TAF3: variants seen among roughly 807,000 people sequenced by gnomAD.
The protein encoded by TAF3 is TATA-box binding protein associated factor 3, also known as transcription initiation factor TFIID subunit 3.
In TAF3, 7 loss-of-function variants were observed where a neutral mutation model predicts 80.6. The observed-to-expected ratio is 0.09, with a 90% CI of 0.05 to 0.16. The LOEUF (loss-of-function observed/expected upper bound fraction) is 0.16, where lower values mean the gene tolerates loss of function less well. TAF3 is among the 10% of genes least tolerant of loss of function. The pLI is 1.00. For synonymous variants in TAF3, 444 were observed against 446.1 expected, an observed-to-expected ratio of 1.00 and a Z score of 0.06; for missense variants, 921 against 1,140.2, an observed-to-expected ratio of 0.81 and a Z score of 2.77.
intron 2 of TAF3, among the ~76,000 whole-genome samples, chr10:7,885,249 GACAC>G (rs71385678): frequency 1.1e-4 from 16 of 148,604 alleles, no homozygotes; most frequent in Non-Finnish European, 1.8e-4. Context: ...TATAAATTTT[GACAC>G]ACACACACAC....
At chr10:7,884,938 A>C (rs1837394929) in intron 2 of TAF3, among the ~76,000 whole-genome samples, 1 of 152,202 alleles carries the variant, frequency 6.6e-6, no homozygotes, top group African/African-American at 2.4e-5. Context: ...ATATACAGAA[A>C]ACAGTTTCAG....
chr10:8,008,777 T>G lies in TAF3; in HGVS notation c.2316-301T>G, dbSNP rs558920656. Reference sequence around the variant, plus strand: ...CGCCACCTCTGAAGCCGTCAGAGCTTCTGCCCCAGCACAGGAACAGGCAAT... The same window carrying G: ...CGCCACCTCTGAAGCCGTCAGAGCTGCTGCCCCAGCACAGGAACAGGCAAT... On this transcript the variant is annotated intron_variant, in intron 4 of 6. Transcript: ENST00000344293. 2.6e-5 allele frequency among the ~76,000 whole-genome samples: 4 copies of G among 152,272 alleles called. No individual in the cohort carries two copies. The South Asian group carries it at 8.3e-4, about 32-fold the overall frequency.
At chr10:7,830,880 C>T (rs1373627773) in intron 2 of TAF3, among the ~76,000 whole-genome samples, 1 of 152,122 alleles carries the variant, frequency 6.6e-6, no homozygotes. Flanking sequence ...CTGCAGAGTG[C>T]CCCACAGTTG....
At chr10:7,861,732 G>A (rs1323962265) in intron 2 of TAF3, among the ~76,000 whole-genome samples, 1 of 152,038 alleles carries the variant, frequency 6.6e-6, no homozygotes, top group Admixed American at 6.5e-5. Context: ...AGGCCTTCCT[G>A]TTTATGTTTG....
chr10:7,885,312 C>T (rs1238533437), intron 2 of TAF3, among the ~76,000 whole-genome samples: 1 of 151,880 alleles, frequency 6.6e-6, no homozygotes, highest in African/African-American at 2.4e-5. Context: ...CTTCCCCTAC[C>T]CCCAGTGTAG....
At chr10:7,824,278 T>C (rs768344202) in intron 1 of TAF3, 40 bp from the exon 2 acceptor site, 14 of 1,576,458 alleles carry the variant, frequency 8.9e-6, no homozygotes, top group Non-Finnish European at 1.2e-5. Flanking sequence ...ATTCGTGGGA[T>C]TTCTTCAAAT....
intron 2 of TAF3, among the ~76,000 whole-genome samples, chr10:7,947,603 AC>A (rs1357079187): frequency 6.6e-6 from 1 of 152,210 alleles, no homozygotes; most frequent in Non-Finnish European, 1.5e-5. Context: ...CCGTGAGCCG[AC>A]CTGGAGGAAC....
chr10:7,828,209 A>G (rs995376073), intron 2 of TAF3, among the ~76,000 whole-genome samples: 3 of 152,154 alleles, frequency 2.0e-5, no homozygotes, highest in Admixed American at 6.5e-5. Flanking sequence ...TGCCCACTGC[A>G]CTTCAGCCTG....
At position 8,006,051 on chromosome 10, in the gene TAF3, C is replaced by A. The variant is rs116085466; in HGVS notation, c.2316-3027C>A. Among the ~76,000 whole-genome samples the A allele has an allele frequency of 2.6e-5, 4 of 152,064 alleles. No individual in the cohort carries two copies. In the East Asian group the frequency reaches 7.7e-4, roughly 29 times the overall value. ...GGTCATTATGAAAAACAAACAAGGC[C>A]GGGCACCGTGGCTTACGCCTGTAAT... On this transcript the variant is annotated intron_variant, in intron 4 of 6. Coordinates refer to ENST00000344293, the MANE Select transcript of TAF3 (RefSeq NM_031923.4).
At chr10:7,843,290 G>A (rs994263169) in intron 2 of TAF3, among the ~76,000 whole-genome samples, 6 of 127,960 alleles carry the variant, frequency 4.7e-5, no homozygotes, top group African/African-American at 1.7e-4. Context: ...TTTTTTTTTT[G>A]TAGAGATGGG....
At chr10:7,940,493 G>A (rs901765085) in intron 2 of TAF3, among the ~76,000 whole-genome samples, 10 of 152,284 alleles carry the variant, frequency 6.6e-5, no homozygotes, top group Middle Eastern at 3.4e-3. Flanking sequence ...GGATAACTCC[G>A]ATAAACAACT....
chr10:7,964,840 A>C lies in TAF3; in HGVS notation c.1330A>C (p.Thr444Pro). The change falls in exon 3 of 7, where the codon ACA (threonine) becomes CCA (proline). Residue 444 changes from threonine (T) to proline (P), a missense_variant. Physicochemically the swap from Thr to Pro is conservative, Grantham distance 38. Coordinates refer to ENST00000344293, the MANE Select transcript of TAF3 (RefSeq NM_031923.4). This position sits in a 1 kb window ranked among gnomAD's most constrained non-coding sequence, Gnocchi z 4.1. Reference sequence around the variant, plus strand: ...AGCTTCCACTTCCGCGAACAATTTCACAAAGTCAGGATCCACTCCTCTGCC... The same window carrying C: ...AGCTTCCACTTCCGCGAACAATTTCCCAAAGTCAGGATCCACTCCTCTGCC... ...PKASTSANNF[T>P]KSGSTPLPLS... The C allele has an allele frequency of 6.2e-7, 1 of 1,614,176 alleles. No homozygotes were observed. The highest frequency in any genetic ancestry group is 2.2e-5 in the East Asian group (1 of 44,886).
At position 8,014,926 on chromosome 10, in the gene TAF3, G is replaced by A. The variant is rs1000549880; in HGVS notation, c.*175G>A. The stretch of plus-strand genomic sequence containing the variant: ...CACCTGGATTGTTCACTCCCGAGCC[G>A]CCTTGGCCTGTGGCTCCGTGGCAGT... On this transcript the variant is annotated 3_prime_UTR_variant, in exon 7 of 7. Coordinates refer to ENST00000344293, the MANE Select transcript of TAF3 (RefSeq NM_031923.4). 2.8e-5 allele frequency: 15 copies of A among 531,064 alleles called. No homozygotes were observed. The highest frequency in any genetic ancestry group is 5.2e-4 in the Middle Eastern group (1 of 1,918). The allele number at this position is 531,064 out of a possible 1,614,324, so 32.9% of individuals were successfully genotyped here. A position where few individuals can be genotyped will look rare whatever the true frequency, so the allele number is the denominator to read the frequency against.
intron 2 of TAF3, among the ~76,000 whole-genome samples, chr10:7,920,024 T>C (rs928212277): frequency 6.6e-6 from 1 of 152,050 alleles, no homozygotes; most frequent in Non-Finnish European, 1.5e-5. Flanking sequence ...GGCAGGAGAA[T>C]CACTTGAGCG....
chr10:7,959,815 A>G (rs1337008876), intron 2 of TAF3, among the ~76,000 whole-genome samples: 2 of 152,240 alleles, frequency 1.3e-5, no homozygotes. Context: ...ATATCTTACT[A>G]TACAGAAAAA....
intron 4 of TAF3, among the ~76,000 whole-genome samples, chr10:7,996,736 A>G (rs1390605644): frequency 6.6e-6 from 1 of 151,094 alleles, no homozygotes; most frequent in African/African-American, 2.4e-5. Context: ...CTGGAGTACA[A>G]TAGTGCAGTC....
At chr10:7,989,545 C>T (rs907354694) in intron 4 of TAF3, among the ~76,000 whole-genome samples, 1 of 152,110 alleles carries the variant, frequency 6.6e-6, no homozygotes, top group African/African-American at 2.4e-5. Context: ...CACGATATTG[C>T]GTAGTCAAAT....
chr10:7,844,791 T>A (rs1588521345), intron 2 of TAF3, among the ~76,000 whole-genome samples: 1 of 152,282 alleles, frequency 6.6e-6, no homozygotes, highest in Middle Eastern at 3.4e-3. Flanking sequence ...TTATTTATGT[T>A]CTGCTTTTTT....
chr10:7,835,431 C>A (rs1456732425), intron 2 of TAF3, among the ~76,000 whole-genome samples: 1 of 152,190 alleles, frequency 6.6e-6, no homozygotes, highest in Non-Finnish European at 1.5e-5. Context: ...GGAACTTGCT[C>A]ACTGAGATTT....
Sources: allele counts gnomAD v4.1 joint callset (sites outside exome capture counted in the v4.1 genomes callset), GRCh38; gene constraint gnomAD v4.1.1; non-coding constraint Gnocchi (gnomAD v3.1); transcripts MANE v1.5; gene names NCBI Gene and HGNC (gene_info 2026-07-23, HGNC 2026-07-21).